Variants in SLC71A2 observed in about 807,000 individuals in gnomAD.
SLC71A2 encodes the protein solute carrier family 71 member 2, also known as hippocampus abundant transcript-like 1.
the SLC71A2 span, among the ~76,000 whole-genome samples, chr9:94,397,739 C>G: frequency 3.9e-5 from 6 of 152,148 alleles, no homozygotes; most frequent in Admixed American, 3.9e-4. Flanking sequence ...GAATGTCTCT[C>G]AATTGAGATT....
chr9:94,435,202 A>G, the SLC71A2 span, among the ~76,000 whole-genome samples: 2 of 152,104 alleles, frequency 1.3e-5, no homozygotes, highest in African/African-American at 4.8e-5. Flanking sequence ...TTCTCCAGCT[A>G]CTCTGTAGGC....
chr9:94,442,865 A>G, the SLC71A2 span, among the ~76,000 whole-genome samples: 2 of 151,558 alleles, frequency 1.3e-5, no homozygotes, highest in African/African-American at 4.8e-5. Context: ...AATGTCCCCC[A>G]AAACTCCAAA....
the SLC71A2 span, chr9:94,458,453 G>A: frequency 7.4e-6 from 12 of 1,613,742 alleles, no homozygotes; most frequent in Middle Eastern, 1.7e-4. Context: ...TTCTAACAAC[G>A]TTCCCCTGCA....
the SLC71A2 span, among the ~76,000 whole-genome samples, chr9:94,457,422 A>T: frequency 1.3e-5 from 2 of 151,398 alleles, no homozygotes; most frequent in East Asian, 3.9e-4. Context: ...TTAGTAAAAA[A>T]CTATATTGGA....
the SLC71A2 span, among the ~76,000 whole-genome samples, chr9:94,390,124 G>GAATGGC: frequency 6.6e-6 from 1 of 152,158 alleles, no homozygotes; most frequent in African/African-American, 2.4e-5. Flanking sequence ...TGAGGCAGGA[G>GAATGGC]AATGGCGTGA....
At chr9:94,398,253 A>G in the SLC71A2 span, among the ~76,000 whole-genome samples, 1 of 149,806 alleles carries the variant, frequency 6.7e-6, no homozygotes, top group Admixed American at 6.6e-5. Context: ...ATGTTCCTGG[A>G]CCAAACTGAG....
chr9:94,389,780 A>T, the SLC71A2 span, among the ~76,000 whole-genome samples: 2 of 150,052 alleles, frequency 1.3e-5, no homozygotes, highest in Middle Eastern at 7.2e-3. Flanking sequence ...CTAATTTGTT[A>T]TTTTTTTTGC....
the SLC71A2 span, among the ~76,000 whole-genome samples, chr9:94,433,617 C>T: frequency 4.6e-3 from 678 of 146,182 alleles, 6 homozygotes; most frequent in African/African-American, 0.017. Flanking sequence ...AACCTAGACA[C>T]GATTTACAGA....
chr9:94,397,307 C>T, the SLC71A2 span, among the ~76,000 whole-genome samples: 3 of 152,024 alleles, frequency 2.0e-5, no homozygotes, highest in Non-Finnish European at 4.4e-5. Flanking sequence ...AGTGTCCATG[C>T]ACTATTATCA....
chr9:94,383,311 C>T, the SLC71A2 span, among the ~76,000 whole-genome samples: 32 of 151,888 alleles, frequency 2.1e-4, no homozygotes, highest in African/African-American at 6.8e-4. Context: ...TACAGGCGCA[C>T]GCCACCACAC....
At chr9:94,440,420 C>A in the SLC71A2 span, among the ~76,000 whole-genome samples, 2 of 151,918 alleles carry the variant, frequency 1.3e-5, no homozygotes, top group Admixed American at 1.3e-4. Flanking sequence ...TTTAGAGCTA[C>A]TAAAATGAAT....
chr9:94,387,259 C>G, the SLC71A2 span, among the ~76,000 whole-genome samples: 6 of 152,098 alleles, frequency 3.9e-5, no homozygotes, highest in African/African-American at 1.2e-4. Context: ...CCTTTCTGCA[C>G]TTACTTCTTT....
the SLC71A2 span, among the ~76,000 whole-genome samples, chr9:94,422,549 T>C: frequency 1.3e-5 from 2 of 152,168 alleles, no homozygotes; most frequent in African/African-American, 4.8e-5. Context: ...AATTGCATGG[T>C]TGTGTTCAGC....
At chr9:94,453,028 A>C in the SLC71A2 span, among the ~76,000 whole-genome samples, 1 of 152,084 alleles carries the variant, frequency 6.6e-6, no homozygotes, top group Non-Finnish European at 1.5e-5. Flanking sequence ...ATGGGAATGC[A>C]TCAAAACAAA....
the SLC71A2 span, chr9:94,460,324 T>TTGAGAAG: frequency 6.6e-6 from 1 of 152,642 alleles, no homozygotes; most frequent in African/African-American, 2.4e-5. Flanking sequence ...ATTTGCTTCT[T>TTGAGAAG]CCCATGTCTT....
chr9:94,448,309 C>G, the SLC71A2 span, among the ~76,000 whole-genome samples: 1 of 151,912 alleles, frequency 6.6e-6, no homozygotes, highest in Non-Finnish European at 1.5e-5. Flanking sequence ...AAATTTATAC[C>G]CTATTTTGTC....
At chr9:94,386,747 A>G in the SLC71A2 span, among the ~76,000 whole-genome samples, 2 of 152,148 alleles carry the variant, frequency 1.3e-5, no homozygotes, top group African/African-American at 2.4e-5. Flanking sequence ...ATAATAGTAC[A>G]GCACATCTTT....
the SLC71A2 span, among the ~76,000 whole-genome samples, chr9:94,426,757 CATTTT>C: frequency 0.19 from 28,460 of 151,882 alleles, 2,777 homozygotes; most frequent in Middle Eastern, 0.28. Flanking sequence ...AGGCAAATGC[CATTTT>C]ATTTTATGTT....
the SLC71A2 span, chr9:94,415,275 TTG>T: frequency 6.4e-7 from 1 of 1,557,928 alleles, no homozygotes; most frequent in East Asian, 2.2e-5. Context: ...TGAACTGGGT[TTG>T]TGTTTTGTAA....
Sources: gnomAD v4.1 joint callset for allele counts (sites outside exome capture counted in the v4.1 genomes callset) on GRCh38, gnomAD v4.1.1 for gene constraint, MANE v1.5 for transcripts, NCBI Gene and HGNC (gene_info 2026-07-23, HGNC 2026-07-21) for gene names.